Variants in GFRA3 observed in about 807,000 individuals in gnomAD.
GFRA3 encodes GDNF family receptor alpha 3, also known as GDNF family receptor alpha-3.
GFRA3 carries 24 observed loss-of-function variants against 40.0 expected under a neutral mutation model. That is an observed-to-expected ratio of 0.60 (90% CI 0.43 to 0.84). The LOEUF (loss-of-function observed/expected upper bound fraction) is 0.84. Among genes scored for constraint, GFRA3 ranks in the 40% least tolerant of loss-of-function variants. The pLI, the probability that GFRA3 is intolerant of heterozygous loss-of-function variation, is 0.00. For missense variants in GFRA3, 405 were observed against 530.6 expected, an observed-to-expected ratio of 0.76 and a Z score of 2.33; for synonymous variants, 203 against 213.5, an observed-to-expected ratio of 0.95 and a Z score of 0.43.
intron 4 of GFRA3, among the ~76,000 whole-genome samples, chr5:138,255,564 G>A (rs1755614152): frequency 6.6e-6 from 1 of 152,150 alleles, no homozygotes. Flanking sequence ...ACTAGTAGCA[G>A]CACATCCTAA....
intron 4 of GFRA3, among the ~76,000 whole-genome samples, chr5:138,256,342 C>T (rs1291730129): frequency 6.6e-6 from 1 of 151,242 alleles, no homozygotes; most frequent in East Asian, 1.9e-4. Flanking sequence ...TCCTGGCTAA[C>T]ACGGTGAAAC....
chr5:138,257,271 T>C (rs1278117505), intron 4 of GFRA3, among the ~76,000 whole-genome samples: 1 of 152,126 alleles, frequency 6.6e-6, no homozygotes, highest in African/African-American at 2.4e-5. Context: ...TCATGAGACA[T>C]GTGCCGTAAG....
chr5:138,270,254 G>C (rs771134411), intron 1 of GFRA3, among the ~76,000 whole-genome samples: 131 of 148,860 alleles, frequency 8.8e-4, no homozygotes, highest in Admixed American at 1.1e-3. Context: ...GCAGGCACCT[G>C]TACAGCTACT....
In GFRA3 at chr5:138,264,248, A is replaced by C; in HGVS notation, c.379+13T>G. 1 of 1,582,952 alleles carries C rather than the reference A, an allele frequency of 6.3e-7. No individual in the cohort carries two copies. Among genetic ancestry groups the C allele is most frequent in the Non-Finnish European group, 8.6e-7 (1 of 1,158,404 alleles). ...CTTCCCCAGCTTAGTCCACTCTATAATGGGAGCCTCACCAAGGCTGCGGGC... is the reference window on the plus strand; with the variant it reads ...CTTCCCCAGCTTAGTCCACTCTATACTGGGAGCCTCACCAAGGCTGCGGGC... On this transcript the variant is annotated intron_variant, in intron 2 of 7. Coordinates refer to ENST00000274721, the MANE Select transcript of GFRA3 (RefSeq NM_001496.4).
intron 1 of GFRA3, among the ~76,000 whole-genome samples, chr5:138,269,148 GGCATGGATGCGGTGATCA>G (rs1332697192): frequency 6.6e-6 from 1 of 152,112 alleles, no homozygotes; most frequent in Non-Finnish European, 1.5e-5. Context: ...AGTAGATGTT[GGCATGGATGCGGTGATCA>G]GGGAACACTT....
intron 1 of GFRA3, among the ~76,000 whole-genome samples, chr5:138,269,748 C>T (rs1001622073): frequency 2.0e-5 from 3 of 149,234 alleles, no homozygotes; most frequent in Admixed American, 6.8e-5. Flanking sequence ...GAGGCTGAGG[C>T]AGGAGAATCG....
intron 3 of GFRA3, among the ~76,000 whole-genome samples, chr5:138,258,964 T>C (rs571142408): frequency 4.6e-5 from 7 of 152,356 alleles, no homozygotes; most frequent in African/African-American, 1.4e-4. Flanking sequence ...CTCAAAATTC[T>C]AATTCTAATG....
At chr5:138,253,962 TC>T in intron 5 of GFRA3, 62 bp from the exon 6 acceptor site, 1 of 1,585,852 alleles carries the variant, frequency 6.3e-7, no homozygotes, top group Non-Finnish European at 8.7e-7. Flanking sequence ...CCCACCTTCT[TC>T]CACCCATGTC....
At chr5:138,271,913 T>TTGTGTGTGTGTGTGTGTGTGTG (rs1554111238) in intron 1 of GFRA3, among the ~76,000 whole-genome samples, 54 of 54,272 alleles carry the variant, frequency 9.9e-4, no homozygotes, top group Non-Finnish European at 1.5e-3. Flanking sequence ...TTTTTTTTTT[T>TTGTGTGTGTGTGTGTGTGTGTG]TGTGTGTGTG....
chr5:138,274,451 G>C lies in GFRA3; in HGVS notation c.-27C>G, dbSNP rs988576594. ...GCGAGCTGTAGGCGCCGGGCTCCGCGCTCCCCTCGCTCCTCCCCTGGAGCT... is the reference window on the plus strand; with the variant it reads ...GCGAGCTGTAGGCGCCGGGCTCCGCCCTCCCCTCGCTCCTCCCCTGGAGCT... On this transcript the variant is annotated 5_prime_UTR_variant, in exon 1 of 8. Transcript: ENST00000274721. The C allele has an allele frequency of 7.8e-7, 1 of 1,283,830 alleles. No homozygotes were observed. Among genetic ancestry groups the C allele is most frequent in the Non-Finnish European group, 9.9e-7 (1 of 1,012,716 alleles). 79.5% of individuals were successfully genotyped at this position (1,283,830 alleles called of 1,614,324 possible). A position where few individuals can be genotyped will look rare whatever the true frequency, so the allele number is the denominator to read the frequency against.
At chr5:138,254,181 G>GTCTT in intron 4 of GFRA3, 21 bp from the exon 5 acceptor site, 1 of 1,328,676 alleles carries the variant, frequency 7.5e-7, no homozygotes, top group Non-Finnish European at 1.1e-6. Context: ...GGAAATTTCT[G>GTCTT]TCTTTCTTTT....
At chr5:138,269,979 A>G (rs1755844741) in intron 1 of GFRA3, among the ~76,000 whole-genome samples, 1 of 152,170 alleles carries the variant, frequency 6.6e-6, no homozygotes, top group Non-Finnish European at 1.5e-5. Flanking sequence ...ACAATTTGCA[A>G]TTGCAGAATC....
In GFRA3 at chr5:138,274,485, G is replaced by T. The variant is rs753078383; in HGVS notation, c.-61C>A. 103 of 1,246,500 alleles carry T rather than the reference G, an allele frequency of 8.3e-5. No individual in the cohort carries two copies. The highest frequency in any genetic ancestry group is 1.0e-4 in the Non-Finnish European group (102 of 994,272). 77.2% of individuals were successfully genotyped at this position (1,246,500 alleles called of 1,614,324 possible). On this transcript the variant is annotated 5_prime_UTR_variant, in exon 1 of 8. Coordinates refer to ENST00000274721, the MANE Select transcript of GFRA3 (RefSeq NM_001496.4). ...GCTCCTCCCCTGGAGCTCTGAGAGC[G>T]GGGCTCCCTCGACCGGCACCTCCCG...
intron 7 of GFRA3, 73 bp from the exon 8 acceptor site, chr5:138,253,130 G>A (rs897848859): frequency 3.3e-6 from 3 of 914,746 alleles, no homozygotes; most frequent in Non-Finnish European, 3.6e-6. Context: ...CCTCAGTCAA[G>A]AGGTATTCCC....
chr5:138,253,807 C>T lies in GFRA3; in HGVS notation c.983G>A (p.Cys328Tyr), dbSNP rs766010784. ...GGAGAAGAACCCTTCCAGCATTTCA[C>T]ACTCCTCCTGCAGGTTGCCACTGCC... ...CRGSGNLQEECEMLEGFFSHN... is the reference protein window; with the variant it reads ...CRGSGNLQEEYEMLEGFFSHN... The change falls in exon 6 of 8, where the codon TGT (cysteine) becomes TAT (tyrosine). Residue 328 changes from cysteine (C) to tyrosine (Y), a missense_variant. By Grantham distance (194) the Cys-to-Tyr change is radical (BLOSUM62 -2). Transcript: ENST00000274721. 2 of 1,614,046 alleles carry T rather than the reference C, an allele frequency of 1.2e-6. No homozygotes were observed. Among genetic ancestry groups the T allele is most frequent in the Non-Finnish European group, 1.7e-6 (2 of 1,179,976 alleles).
At chr5:138,256,660 A>G (rs1755635157) in intron 4 of GFRA3, among the ~76,000 whole-genome samples, 1 of 152,074 alleles carries the variant, frequency 6.6e-6, no homozygotes, top group Non-Finnish European at 1.5e-5. Flanking sequence ...TTAAAAATCA[A>G]GTTCTTGGCT....
chr5:138,273,982 T>C (rs1037011654), intron 1 of GFRA3, among the ~76,000 whole-genome samples: 2 of 152,206 alleles, frequency 1.3e-5, no homozygotes, highest in African/African-American at 4.8e-5. Flanking sequence ...GTTTCTGATC[T>C]GATTCTCCCC....
chr5:138,268,352 A>G (rs1344921124), intron 1 of GFRA3, among the ~76,000 whole-genome samples: 1 of 148,518 alleles, frequency 6.7e-6, no homozygotes, highest in Non-Finnish European at 1.5e-5. Context: ...CATTGGAAAA[A>G]TCCTTCTAGA....
chr5:138,264,772 A>G (rs1755758702), intron 1 of GFRA3, among the ~76,000 whole-genome samples: 1 of 152,060 alleles, frequency 6.6e-6, no homozygotes, highest in Admixed American at 6.6e-5. Flanking sequence ...CCCAACAAGA[A>G]ATAGGGGTTT....
Sources: allele counts gnomAD v4.1 joint callset (sites outside exome capture counted in the v4.1 genomes callset), GRCh38; gene constraint gnomAD v4.1.1; transcripts MANE v1.5; gene names NCBI Gene and HGNC (gene_info 2026-07-23, HGNC 2026-07-21).